The following MEI4 variants were observed in gnomAD, a reference collection of about 807,000 sequenced individuals.
MEI4 encodes the protein meiotic double-stranded break formation protein 4.
Under a neutral mutation model 31.4 loss-of-function variants are expected in MEI4, and 27 were observed. That is an observed-to-expected ratio of 0.86 (90% CI 0.63 to 1.19). The LOEUF (loss-of-function observed/expected upper bound fraction) is 1.19, where lower values mean the gene tolerates loss of function less well. Ranked by LOEUF, MEI4 falls within the 50% of genes most tolerant of loss-of-function variation. MEI4 has a pLI of 0.00. For missense variants in MEI4, 329 were observed against 398.9 expected (o/e 0.82, Z 1.49); for synonymous variants, 122 against 145.4 (o/e 0.84, Z 1.16).
intron 3 of MEI4, among the ~76,000 whole-genome samples, chr6:77,818,537 A>G (rs1289770108): frequency 1.3e-5 from 2 of 152,162 alleles, no homozygotes; most frequent in African/African-American, 2.4e-5. Context: ...GTAAATATAC[A>G]CAAATTTTTA....
chr6:77,656,856 A>G (rs1768407217), intron 1 of MEI4, among the ~76,000 whole-genome samples: 2 of 152,328 alleles, frequency 1.3e-5, no homozygotes, highest in South Asian at 2.1e-4. Context: ...ATTACTAGAT[A>G]GTATTTAAAC....
At chr6:77,902,192 T>C (rs1766199691) in intron 4 of MEI4, among the ~76,000 whole-genome samples, 1 of 152,090 alleles carries the variant, frequency 6.6e-6, no homozygotes, top group African/African-American at 2.4e-5. Flanking sequence ...TTTGAGGTAT[T>C]TTATAGCTCT....
upstream of MEI4, among the ~76,000 whole-genome samples, chr6:77,650,918 G>C (rs1424806973): frequency 6.6e-6 from 1 of 152,190 alleles, no homozygotes; most frequent in Non-Finnish European, 1.5e-5. Context: ...CTTTGGTGGA[G>C]TTGTCAAATC....
intron 3 of MEI4, among the ~76,000 whole-genome samples, chr6:77,788,739 C>T (rs575591605): frequency 1.3e-5 from 2 of 152,010 alleles, no homozygotes; most frequent in African/African-American, 4.8e-5. Context: ...AACCACTGCT[C>T]AATGAAATAA....
At chr6:77,728,508 A>G (rs1766885806) in intron 2 of MEI4, among the ~76,000 whole-genome samples, 1 of 152,240 alleles carries the variant, frequency 6.6e-6, no homozygotes. Flanking sequence ...AATACAATTT[A>G]TATTAGCATG....
At chr6:77,844,301 G>A (rs755412912) in intron 4 of MEI4, among the ~76,000 whole-genome samples, 30 of 152,038 alleles carry the variant, frequency 2.0e-4, no homozygotes, top group South Asian at 6.2e-4. Context: ...TCACAAAGCC[G>A]GTCCTAAAAT....
chr6:77,767,449 C>T (rs998407065), intron 3 of MEI4, among the ~76,000 whole-genome samples: 5 of 151,954 alleles, frequency 3.3e-5, no homozygotes, highest in Admixed American at 3.3e-4. Flanking sequence ...ATTCCCAGTA[C>T]TTTGGGAGGC....
intron 3 of MEI4, among the ~76,000 whole-genome samples, chr6:77,771,806 G>A (rs1768326146): frequency 6.6e-6 from 1 of 151,872 alleles, no homozygotes; most frequent in Admixed American, 6.6e-5. Context: ...GTAGGAGGAG[G>A]GAGAAGACTA....
chr6:77,741,611 GTTT>G (rs1028379453), intron 2 of MEI4, among the ~76,000 whole-genome samples: 1 of 152,038 alleles, frequency 6.6e-6, no homozygotes, highest in Non-Finnish European at 1.5e-5. Context: ...CATTCTGTGT[GTTT>G]TTTAATTTTA....
intron 4 of MEI4, among the ~76,000 whole-genome samples, chr6:77,889,758 C>T (rs1328106203): frequency 6.6e-6 from 1 of 152,180 alleles, no homozygotes; most frequent in Admixed American, 6.5e-5. Context: ...GTTTTGTGGG[C>T]CAGGGCCAGG....
intron 3 of MEI4, among the ~76,000 whole-genome samples, chr6:77,825,463 G>C (rs1769921773): frequency 6.6e-6 from 1 of 152,190 alleles, no homozygotes; most frequent in Non-Finnish European, 1.5e-5. Context: ...CCAAGTCACA[G>C]TCTAACAGAA....
chr6:77,925,526 A>G lies in MEI4; in HGVS notation c.*2180A>G, dbSNP rs895015403. The G allele has an allele frequency of 6.6e-6, 1 of 151,688 alleles. No individual in the cohort carries two copies. The highest frequency in any genetic ancestry group is 6.6e-5 in the Admixed American group (1 of 15,166). The allele number at this position is 151,688 out of a possible 1,614,324, so 9.4% of individuals were successfully genotyped here. The stretch of plus-strand genomic sequence containing the variant: ...AGCAGTGAATTAATGAATGATTTAA[A>G]CTGGTATTACAATGTTTAAGAATGT... On this transcript the variant is annotated 3_prime_UTR_variant, in exon 5 of 5. Coordinates refer to ENST00000684080, the MANE Select transcript of MEI4 (RefSeq NM_001322247.2).
intron 1 of MEI4, among the ~76,000 whole-genome samples, chr6:77,661,905 T>C (rs1768517922): frequency 6.6e-6 from 1 of 152,160 alleles, no homozygotes; most frequent in African/African-American, 2.4e-5. Flanking sequence ...CTAGCCACCT[T>C]ATCAGCATAA....
At chr6:77,659,847 A>G (rs1375598208) in intron 1 of MEI4, among the ~76,000 whole-genome samples, 1 of 152,166 alleles carries the variant, frequency 6.6e-6, no homozygotes, top group Non-Finnish European at 1.5e-5. Flanking sequence ...TACCCAGGGG[A>G]ATTCCAGTGG....
At chr6:77,921,353 A>G (rs1372602865) in intron 4 of MEI4, among the ~76,000 whole-genome samples, 1 of 151,806 alleles carries the variant, frequency 6.6e-6, no homozygotes, top group Non-Finnish European at 1.5e-5. Flanking sequence ...CTCAGCCTTC[A>G]TAAAATTGAA....
intron 3 of MEI4, among the ~76,000 whole-genome samples, chr6:77,819,835 C>CT (rs1379782650): frequency 6.6e-6 from 1 of 152,080 alleles, no homozygotes; most frequent in Non-Finnish European, 1.5e-5. Context: ...TCTATCTGAT[C>CT]TTTTGTTGGT....
chr6:77,730,319 A>G (rs1396091099), intron 2 of MEI4, among the ~76,000 whole-genome samples: 1 of 152,158 alleles, frequency 6.6e-6, no homozygotes, highest in Non-Finnish European at 1.5e-5. Context: ...AGCAGATTGT[A>G]TCACCATGAC....
At chr6:77,864,480 A>G (rs1040094204) in intron 4 of MEI4, among the ~76,000 whole-genome samples, 4 of 152,194 alleles carry the variant, frequency 2.6e-5, no homozygotes, top group Non-Finnish European at 4.4e-5. Flanking sequence ...AAAAGAGACA[A>G]AGAAGGCCAT....
intron 3 of MEI4, among the ~76,000 whole-genome samples, chr6:77,801,436 C>T (rs907492523): frequency 6.6e-6 from 1 of 152,106 alleles, no homozygotes; most frequent in African/African-American, 2.4e-5. Flanking sequence ...TTCAAAACCC[C>T]AGCTCCTGGA....
Sources: allele counts gnomAD v4.1 joint callset (sites outside exome capture counted in the v4.1 genomes callset), GRCh38; gene constraint gnomAD v4.1.1; transcripts MANE v1.5; gene names NCBI Gene and HGNC (gene_info 2026-07-23, HGNC 2026-07-21).